Variants in IL1RAPL1 observed in about 807,000 individuals in gnomAD.
The protein encoded by IL1RAPL1 is interleukin 1 receptor accessory protein like 1, also known as interleukin-1 receptor accessory protein-like 1.
In IL1RAPL1, 3 loss-of-function variants were observed where a neutral mutation model predicts 48.4. The ratio of observed to expected loss-of-function variants is 0.06; its 90% CI spans 0.03 to 0.16. IL1RAPL1 has a LOEUF of 0.16. IL1RAPL1 is among the 10% of genes least tolerant of loss of function. The probability of loss-of-function intolerance (pLI) is 1.00; values close to 1 mark genes in which losing one functional copy is unlikely to be tolerated. For synonymous variants in IL1RAPL1, 185 were observed against 187.7 expected (o/e 0.99, Z 0.12); for missense variants, 349 against 530.6 (o/e 0.66, Z 3.36).
chrX:29,044,820 A>G (rs761906329), intron 2 of IL1RAPL1, among the ~76,000 whole-genome samples: 6 of 111,690 alleles, frequency 5.4e-5, no homozygotes, highest in African/African-American at 2.0e-4. Context: ...GTGGAAATGA[A>G]CTAATATTAC....
chrX:28,951,244 C>A (rs1417809768), intron 2 of IL1RAPL1, among the ~76,000 whole-genome samples: 3 of 107,401 alleles, frequency 2.8e-5, no homozygotes, highest in Non-Finnish European at 5.8e-5. Context: ...GCACAATGTG[C>A]ACATGTACCC....
At chrX:28,808,143 A>G (rs1936752471) in intron 2 of IL1RAPL1, among the ~76,000 whole-genome samples, 1 of 111,632 alleles carries the variant, frequency 9.0e-6, no homozygotes, top group Non-Finnish European at 1.9e-5. Context: ...GAAGAAAAGG[A>G]TGGACAATGC....
At chrX:28,683,062 T>C (rs1201685926) in intron 1 of IL1RAPL1, among the ~76,000 whole-genome samples, 41 of 112,112 alleles carry the variant, frequency 3.7e-4, no homozygotes, top group Non-Finnish European at 9.4e-5. Flanking sequence ...GGAATCATCA[T>C]GATGAGAACA....
chrX:29,860,378 T>C (rs1931553825), intron 6 of IL1RAPL1, among the ~76,000 whole-genome samples: 1 of 111,989 alleles, frequency 8.9e-6, no homozygotes, highest in African/African-American at 3.2e-5. Flanking sequence ...TTTTTTATTA[T>C]ACTTGAAGTT....
chrX:29,199,330 C>T (rs763595465), intron 2 of IL1RAPL1, among the ~76,000 whole-genome samples: 42 of 106,142 alleles, frequency 4.0e-4, no homozygotes, highest in Non-Finnish European at 7.0e-4. Context: ...ACTATAATCA[C>T]TTTTTTTTTT....
rs151329823 is a variant in IL1RAPL1 at position 29,324,648 on chromosome X, G to T, written c.362+41431G>T. ...TTATGATGATATTTTTAGGTTTTAT[G>T]GCTGGCCTTGAGGAGAAACATTTCT... On this transcript the variant is annotated intron_variant, in intron 3 of 10. Transcript: ENST00000378993. 7.4e-4 allele frequency among the ~76,000 whole-genome samples: 83 copies of T among 111,501 alleles called. No individual in the cohort carries two copies. The South Asian group carries it at 9.1e-3, about 12-fold the overall frequency.
chrX:29,790,670 C>T (rs1929608558), intron 6 of IL1RAPL1, among the ~76,000 whole-genome samples: 1 of 111,824 alleles, frequency 8.9e-6, no homozygotes, highest in Middle Eastern at 4.6e-3. Context: ...CTCCTACTGC[C>T]TCTGATATCT....
intron 2 of IL1RAPL1, among the ~76,000 whole-genome samples, chrX:29,094,340 T>C (rs901932776): frequency 8.9e-6 from 1 of 111,979 alleles, no homozygotes; most frequent in African/African-American, 3.2e-5. Flanking sequence ...AATGCATTTC[T>C]GAAATTTACA....
intron 2 of IL1RAPL1, among the ~76,000 whole-genome samples, chrX:28,980,876 C>T (rs1318560907): frequency 1.9e-5 from 2 of 107,131 alleles, no homozygotes; most frequent in African/African-American, 3.4e-5. Flanking sequence ...ATCTCTTGAG[C>T]GCAAGAGTTT....
In IL1RAPL1 at chrX:29,523,331, T is replaced by C. The variant is rs752201082; in HGVS notation, c.703+124023T>C. Among the ~76,000 whole-genome samples, 6 of 111,407 alleles carry C rather than the reference T, an allele frequency of 5.4e-5. No homozygotes were observed. The Admixed American group carries it at 5.8e-4, about 11-fold the overall frequency. Reference sequence around the variant, plus strand: ...ATCAAGAAAAATATCCTCTAATATTTCTTTTGGGTTCCAAGAGCACTGTCC... The same window carrying C: ...ATCAAGAAAAATATCCTCTAATATTCCTTTTGGGTTCCAAGAGCACTGTCC... On this transcript the variant is annotated intron_variant, in intron 5 of 10. Transcript: ENST00000378993.
chrX:29,711,125 A>G (rs1478485282), intron 6 of IL1RAPL1, among the ~76,000 whole-genome samples: 3 of 98,432 alleles, frequency 3.0e-5, no homozygotes, highest in African/African-American at 1.1e-4. Flanking sequence ...GCCTCTTTAC[A>G]TCTTTTAATA....
chrX:29,575,395 T>C (rs1922742459), intron 5 of IL1RAPL1, among the ~76,000 whole-genome samples: 1 of 111,527 alleles, frequency 9.0e-6, no homozygotes, highest in African/African-American at 3.3e-5. Context: ...CAGCCTTCAG[T>C]CTGTGGCTGA....
intron 2 of IL1RAPL1, among the ~76,000 whole-genome samples, chrX:29,275,963 A>G (rs777949326): frequency 1.8e-5 from 2 of 112,523 alleles, no homozygotes; most frequent in Non-Finnish European, 3.8e-5. Flanking sequence ...TATCTTGAAA[A>G]GTGTAATTCT....
intron 2 of IL1RAPL1, among the ~76,000 whole-genome samples, chrX:29,193,946 A>G (rs1376989618): frequency 8.9e-6 from 1 of 111,943 alleles, no homozygotes; most frequent in Non-Finnish European, 1.9e-5. Context: ...ATTTATTTCA[A>G]GTTAAACGTT....
intron 5 of IL1RAPL1, among the ~76,000 whole-genome samples, chrX:29,431,239 TCTAC>T (rs754055521): frequency 8.9e-6 from 1 of 112,252 alleles, no homozygotes; most frequent in African/African-American, 3.2e-5. Flanking sequence ...TTGAATGTGC[TCTAC>T]CTCAGTAATT....
intron 2 of IL1RAPL1, among the ~76,000 whole-genome samples, chrX:29,104,121 GTA>G (rs1299086657): frequency 1.8e-5 from 2 of 111,802 alleles, no homozygotes; most frequent in African/African-American, 6.5e-5. Context: ...CCCCTGCAAG[GTA>G]TATACCCAAA....
intron 2 of IL1RAPL1, among the ~76,000 whole-genome samples, chrX:28,898,198 A>G (rs183801898): frequency 9.0e-6 from 1 of 111,496 alleles, no homozygotes; most frequent in East Asian, 2.9e-4. Flanking sequence ...ATTTGAAAGT[A>G]TTTTTTCTCA....
intron 2 of IL1RAPL1, among the ~76,000 whole-genome samples, chrX:29,122,415 A>T (rs867124285): frequency 1.2e-4 from 10 of 84,056 alleles, no homozygotes; most frequent in African/African-American, 1.4e-4. Flanking sequence ...TCTCTCACAC[A>T]CACACACACA....
intron 5 of IL1RAPL1, among the ~76,000 whole-genome samples, chrX:29,418,838 A>T (rs1158200371): frequency 1.8e-5 from 2 of 112,089 alleles, no homozygotes; most frequent in Non-Finnish European, 3.8e-5. Flanking sequence ...ATATAATCAG[A>T]TCATTTTATG....
Sources: gnomAD v4.1 joint callset for allele counts (sites outside exome capture counted in the v4.1 genomes callset) on GRCh38, gnomAD v4.1.1 for gene constraint, MANE v1.5 for transcripts, NCBI Gene and HGNC (gene_info 2026-07-23, HGNC 2026-07-21) for gene names.